The following PARD3 variants were observed in gnomAD, a reference collection of about 807,000 sequenced individuals.
PARD3 encodes the protein par-3 family cell polarity regulator, also known as partitioning defective 3 homolog.
Under a neutral mutation model 155.4 loss-of-function variants are expected in PARD3, and 75 were observed. That is an observed-to-expected ratio of 0.48 (90% CI 0.40 to 0.58). The LOEUF (loss-of-function observed/expected upper bound fraction) is 0.58, where lower values mean the gene tolerates loss of function less well. PARD3 is among the 20% of genes least tolerant of loss of function. PARD3 has a pLI of 0.00. For missense variants in PARD3, 1,642 were observed against 1,721.7 expected (o/e 0.95, Z 0.82); for synonymous variants, 576 against 610.5 (o/e 0.94, Z 0.83).
At chr10:34,807,410 C>G (rs1843544235) in intron 1 of PARD3, among the ~76,000 whole-genome samples, 1 of 152,200 alleles carries the variant, frequency 6.6e-6, no homozygotes, top group Non-Finnish European at 1.5e-5. Context: ...ACCATAAACT[C>G]CATCCATTGA....
intron 3 of PARD3, among the ~76,000 whole-genome samples, chr10:34,502,692 G>A (rs1157671936): frequency 6.6e-6 from 1 of 152,170 alleles, no homozygotes; most frequent in Non-Finnish European, 1.5e-5. Context: ...TATAGTCCCA[G>A]CTACTGGGGA....
intron 1 of PARD3, among the ~76,000 whole-genome samples, chr10:34,730,522 G>A (rs1041171792): frequency 1.3e-5 from 2 of 152,186 alleles, no homozygotes; most frequent in South Asian, 2.1e-4. Context: ...AGGAGCTCAC[G>A]CCTGTAATCC....
intron 22 of PARD3, among the ~76,000 whole-genome samples, chr10:34,198,025 C>A (rs1951030841): frequency 6.6e-6 from 1 of 152,192 alleles, no homozygotes; most frequent in Non-Finnish European, 1.5e-5. Flanking sequence ...CCGCGCCCGG[C>A]CGAATCTGCT....
intron 19 of PARD3, among the ~76,000 whole-genome samples, chr10:34,330,695 C>CA (rs1835521660): frequency 1.3e-5 from 2 of 152,000 alleles, no homozygotes; most frequent in Non-Finnish European, 2.9e-5. Context: ...TGAATTAAAA[C>CA]TGGGAAAGTT....
chr10:34,359,454 G>T, intron 13 of PARD3, 137 bp from the exon 14 acceptor site: 1 of 620,740 alleles, frequency 1.6e-6, no homozygotes, highest in Non-Finnish European at 2.7e-6. Context: ...AATGGATTAT[G>T]CCCAATTGAA....
Position 34,314,390 on chromosome 10 carries a change from C to CA in PARD3, c.3065+2716dup, listed in dbSNP as rs200425490. ...AGGATCAAGAGCCAACATTCAATAA[C>CA]AAAAAAGCTTATTTCGTGTTTAATA... On this transcript the variant is annotated intron_variant, in intron 20 of 24. Transcript: ENST00000374788. 4.5e-3 allele frequency among the ~76,000 whole-genome samples: 683 copies of CA among 152,284 alleles called. 7 individuals are homozygous for CA. The highest frequency in any genetic ancestry group is 0.015 in the African/African-American group (642 of 41,548).
At chr10:34,136,453 G>A (rs1283304932) in intron 22 of PARD3, among the ~76,000 whole-genome samples, 1 of 152,166 alleles carries the variant, frequency 6.6e-6, no homozygotes, top group Admixed American at 6.5e-5. Context: ...CTGGAAGAGA[G>A]TAGTTTTAAG....
chr10:34,763,280 G>C (rs908475122), intron 1 of PARD3, among the ~76,000 whole-genome samples: 6 of 152,190 alleles, frequency 3.9e-5, no homozygotes, highest in African/African-American at 1.4e-4. Context: ...TAAACACAAA[G>C]TATTTTTGCC....
At chr10:34,373,218 C>T (rs1840874218) in intron 11 of PARD3, among the ~76,000 whole-genome samples, 1 of 151,832 alleles carries the variant, frequency 6.6e-6, no homozygotes, top group South Asian at 2.1e-4. Context: ...TTTTGAGAAG[C>T]AGCTGCAACA....
intron 23 of PARD3, among the ~76,000 whole-genome samples, chr10:34,124,029 T>G (rs1947147465): frequency 6.6e-6 from 1 of 152,208 alleles, no homozygotes; most frequent in African/African-American, 2.4e-5. Flanking sequence ...TCACTTTTCT[T>G]CTTATAGATA....
intron 22 of PARD3, among the ~76,000 whole-genome samples, chr10:34,147,832 A>G (rs1440073406): frequency 1.3e-5 from 2 of 152,180 alleles, no homozygotes; most frequent in African/African-American, 4.8e-5. Flanking sequence ...GCCAAAGGTC[A>G]CAGGAATTCA....
At chr10:34,227,856 T>TTTATATA (rs1554814033) in intron 22 of PARD3, among the ~76,000 whole-genome samples, 1 of 82,278 alleles carries the variant, frequency 1.2e-5, no homozygotes, top group Non-Finnish European at 2.3e-5. Flanking sequence ...GAATTATTTT[T>TTTATATA]TATATATATA....
At chr10:34,192,396 C>A (rs1950752815) in intron 22 of PARD3, among the ~76,000 whole-genome samples, 1 of 152,134 alleles carries the variant, frequency 6.6e-6, no homozygotes, top group Non-Finnish European at 1.5e-5. Context: ...CCGTCCCCAG[C>A]CCTGCTTGTT....
At chr10:34,329,650 G>T (rs1235355246) in intron 19 of PARD3, among the ~76,000 whole-genome samples, 2 of 152,158 alleles carry the variant, frequency 1.3e-5, no homozygotes, top group East Asian at 3.9e-4. Context: ...ACTGGGTCTG[G>T]AGAGGCTGAC....
intron 12 of PARD3, among the ~76,000 whole-genome samples, chr10:34,367,816 C>T (rs560761333): frequency 6.6e-6 from 1 of 152,316 alleles, no homozygotes; most frequent in East Asian, 1.9e-4. Context: ...AAATTTCTAA[C>T]TTGAGACTCT....
At chr10:34,532,518 CTGTGTGAAG>C (rs561482836) in intron 2 of PARD3, among the ~76,000 whole-genome samples, 1,833 of 152,224 alleles carry the variant, frequency 0.012, 16 homozygotes, top group Middle Eastern at 0.044. Context: ...ATGGTGTGAA[CTGTGTGAAG>C]TGCTGCTTAT....
intron 2 of PARD3, among the ~76,000 whole-genome samples, chr10:34,677,982 T>C (rs1412328297): frequency 6.6e-6 from 1 of 152,112 alleles, no homozygotes; most frequent in Non-Finnish European, 1.5e-5. Flanking sequence ...CCACTATATA[T>C]TGATTGTATA....
chr10:34,805,780 TC>T (rs1458800617), intron 1 of PARD3, among the ~76,000 whole-genome samples: 2 of 151,652 alleles, frequency 1.3e-5, no homozygotes, highest in Non-Finnish European at 2.9e-5. Context: ...ATCGAGACCA[TC>T]CTGGCTAACA....
chr10:34,464,461 T>C (rs781467572), intron 4 of PARD3, among the ~76,000 whole-genome samples: 1 of 152,200 alleles, frequency 6.6e-6, no homozygotes, highest in Non-Finnish European at 1.5e-5. Flanking sequence ...CAATTACTAA[T>C]AGCTTTAAAA....
Sources: allele counts gnomAD v4.1 joint callset (sites outside exome capture counted in the v4.1 genomes callset), GRCh38; gene constraint gnomAD v4.1.1; transcripts MANE v1.5; gene names NCBI Gene and HGNC (gene_info 2026-07-23, HGNC 2026-07-21).